Variants in RTKN2 observed in about 807,000 individuals in gnomAD.
RTKN2 encodes rhotekin-2.
RTKN2 carries 69 observed loss-of-function variants against 71.5 expected under a neutral mutation model. That is an observed-to-expected ratio of 0.96 (90% confidence interval 0.79 to 1.18). The LOEUF is 1.18. Ranked by LOEUF, RTKN2 falls within the 50% of genes most tolerant of loss-of-function variation. The probability of loss-of-function intolerance (pLI) is 0.00; values close to 1 mark genes in which losing one functional copy is unlikely to be tolerated. For synonymous variants in RTKN2, 236 were observed against 236.5 expected (o/e 1.00, Z 0.02); for missense variants, 724 against 719.7 (o/e 1.01, Z -0.07).
Position 62,232,490 on chromosome 10 carries a change from A to AG in RTKN2, c.686+3575dup, listed in dbSNP as rs1436841622. ...TGGGTTTTTGTATTTTTAGTAGAGA[A>AG]GGGGTTTCACCATGGTGCCCAGGCT... On this transcript the variant is annotated intron_variant, in intron 6 of 11. Transcript: ENST00000373789. 5.3e-5 allele frequency among the ~76,000 whole-genome samples: 8 copies of AG among 151,700 alleles called. No homozygotes were observed. In the South Asian group the frequency reaches 1.5e-3, roughly 28 times the overall value.
Position 62,197,162 on chromosome 10 carries a change from T to A in RTKN2, c.*746A>T, listed in dbSNP as rs1234555799. On this transcript the variant is annotated 3_prime_UTR_variant, in exon 12 of 12. Transcript: ENST00000373789. ...ACTTCCCTAAATTCCAAAGTCACAA[T>A]GGAAATTAGCACCACACACAGAAAA... is the stretch of plus-strand genomic sequence containing the variant. 1.3e-5 allele frequency: 13 copies of A among 985,464 alleles called. No individual in the cohort carries two copies. Among genetic ancestry groups the A allele is most frequent in the Non-Finnish European group, 1.3e-5 (11 of 829,860 alleles). The allele number at this position is 985,464 out of a possible 1,614,324, so 61.0% of individuals were successfully genotyped here. A position where few individuals can be genotyped will look rare whatever the true frequency, so the allele number is the denominator to read the frequency against.
intron 2 of RTKN2, among the ~76,000 whole-genome samples, chr10:62,259,600 G>A (rs1245140684): frequency 1.3e-5 from 2 of 152,102 alleles, no homozygotes; most frequent in Non-Finnish European, 2.9e-5. Context: ...TGCGCTGGCT[G>A]GAGTGCTGTG....
At chr10:62,203,059 C>T (rs1841476937) in intron 10 of RTKN2, among the ~76,000 whole-genome samples, 1 of 152,128 alleles carries the variant, frequency 6.6e-6, no homozygotes, top group African/African-American at 2.4e-5. Flanking sequence ...ACTAGGGAGA[C>T]TGAGGCAGGA....
At chr10:62,247,179 A>T (rs1374078537) in intron 2 of RTKN2, among the ~76,000 whole-genome samples, 1 of 151,954 alleles carries the variant, frequency 6.6e-6, no homozygotes, top group African/African-American at 2.4e-5. Flanking sequence ...AATTTTTGGA[A>T]GAGGATGACA....
Position 62,236,173 on chromosome 10 carries a change from T to C in RTKN2, c.579A>G (p.Leu193=). The change falls in exon 6 of 12, where the codon CTA becomes CTG. Residue 193 remains leucine, a synonymous_variant. Coordinates refer to ENST00000373789, the MANE Select transcript of RTKN2 (RefSeq NM_145307.4). ...TTATAGATGTCTTGAGTTTCTTAGC[T>C]AGCTTTTTTGGTGTGTTGGTTATAG... The part of the protein sequence containing the change: ...ESSITNTPKK[L]AKKLKTSISK... 1 of 1,611,708 alleles carries C rather than the reference T, an allele frequency of 6.2e-7. No homozygotes were observed. Among genetic ancestry groups the C allele is most frequent in the Non-Finnish European group, 8.5e-7 (1 of 1,178,172 alleles).
chr10:62,204,173 A>G (rs1300632381), intron 10 of RTKN2, among the ~76,000 whole-genome samples: 1 of 152,172 alleles, frequency 6.6e-6, no homozygotes, highest in Non-Finnish European at 1.5e-5. Flanking sequence ...AACATTCTAC[A>G]TTTTCAATAT....
At chr10:62,190,716 T>C (rs1841208768), downstream of RTKN2, among the ~76,000 whole-genome samples, 1 of 152,154 alleles carries the variant, frequency 6.6e-6, no homozygotes, top group African/African-American at 2.4e-5. Context: ...GGCTAGTTAA[T>C]GGTAGCCAGG....
chr10:62,268,350 C>A (rs1842903297), intron 1 of RTKN2, among the ~76,000 whole-genome samples: 2 of 152,262 alleles, frequency 1.3e-5, no homozygotes, highest in South Asian at 4.1e-4. Flanking sequence ...ACCTCAGCTG[C>A]CTGAGAAACT....
chr10:62,209,630 G>C (rs752506349), intron 9 of RTKN2, among the ~76,000 whole-genome samples: 1 of 152,004 alleles, frequency 6.6e-6, no homozygotes, highest in Non-Finnish European at 1.5e-5. Context: ...CACACTCTCC[G>C]ATAGGCCTCA....
chr10:62,264,624 C>A (rs1842836574), intron 1 of RTKN2, among the ~76,000 whole-genome samples: 2 of 152,220 alleles, frequency 1.3e-5, no homozygotes, highest in African/African-American at 4.8e-5. Flanking sequence ...CTTTACCCCA[C>A]AACTCAAATA....
At chr10:62,256,217 C>T (rs941008564) in intron 2 of RTKN2, among the ~76,000 whole-genome samples, 1 of 151,974 alleles carries the variant, frequency 6.6e-6, no homozygotes, top group African/African-American at 2.4e-5. Flanking sequence ...GAAACGAGGT[C>T]TTATTATGTT....
chr10:62,234,892 C>T (rs574422275), intron 6 of RTKN2, among the ~76,000 whole-genome samples: 111 of 152,192 alleles, frequency 7.3e-4, no homozygotes, highest in African/African-American at 2.4e-3. Context: ...TTTAACATTA[C>T]TGAAAGTGGG....
intron 7 of RTKN2, among the ~76,000 whole-genome samples, chr10:62,222,757 T>A (rs1008019463): frequency 6.6e-6 from 1 of 152,226 alleles, no homozygotes. Flanking sequence ...TTCTTCAGTT[T>A]CCTGTATCTT....
In RTKN2 at chr10:62,236,162, A is replaced by G; in HGVS notation, c.590T>C (p.Leu197Pro). 1 of 1,611,682 alleles carries G rather than the reference A, an allele frequency of 6.2e-7. No homozygotes were observed. Among genetic ancestry groups the G allele is most frequent in the Non-Finnish European group, 8.5e-7 (1 of 1,178,242 alleles). Residue 197 changes from leucine to proline, a missense_variant, in exon 6 of 12, where the codon CTC (leucine) becomes CCC (proline). Coordinates refer to ENST00000373789, the MANE Select transcript of RTKN2 (RefSeq NM_145307.4). ...TGTAGCTTTACTTATAGATGTCTTG[A>G]GTTTCTTAGCTAGCTTTTTTGGTGT... ...TNTPKKLAKK[L>P]KTSISKATGK...
chr10:62,190,090 A>G (rs1398052116), downstream of RTKN2, among the ~76,000 whole-genome samples: 1 of 152,098 alleles, frequency 6.6e-6, no homozygotes, highest in African/African-American at 2.4e-5. Context: ...TGTTCCTTCA[A>G]CCCAGGGCCA....
downstream of RTKN2, among the ~76,000 whole-genome samples, chr10:62,192,358 T>C (rs141712184): frequency 2.0e-5 from 3 of 152,330 alleles, no homozygotes; most frequent in Admixed American, 6.5e-5. Context: ...GGGTTAAATG[T>C]CAATAAAACA....
rs1841361180 is a variant in RTKN2 at position 62,197,940 on chromosome 10, C to T, written c.1798G>A (p.Asp600Asn). ...TGTGCCTGCAGCCATGATCTAGGGT[C>T]CAGAATGTCTTTGATGGATTTCTGC... Reference protein sequence around the residue: ...PRQKSIKDILDPRSWLQAQV With the variant: ...PRQKSIKDILNPRSWLQAQV Residue 600 changes from aspartate to asparagine, a missense_variant, in exon 12 of 12, where the codon GAC becomes AAC. Coordinates refer to ENST00000373789, the MANE Select transcript of RTKN2 (RefSeq NM_145307.4). The T allele has an allele frequency of 1.2e-6, 2 of 1,613,792 alleles. No individual in the cohort carries two copies. Among genetic ancestry groups the T allele is most frequent in the Non-Finnish European group, 1.7e-6 (2 of 1,179,856 alleles).
At chr10:62,255,156 G>C (rs1257062986) in intron 2 of RTKN2, among the ~76,000 whole-genome samples, 1 of 152,078 alleles carries the variant, frequency 6.6e-6, no homozygotes, top group Non-Finnish European at 1.5e-5. Context: ...TCTTGAACTT[G>C]CCTAAGTAGG....
intron 9 of RTKN2, among the ~76,000 whole-genome samples, chr10:62,208,748 A>G (rs1244966497): frequency 6.6e-6 from 1 of 152,204 alleles, no homozygotes. Flanking sequence ...ACTTCAGGGT[A>G]ACCAAATAGC....
Sources: allele counts gnomAD v4.1 joint callset (sites outside exome capture counted in the v4.1 genomes callset), GRCh38; gene constraint gnomAD v4.1.1; transcripts MANE v1.5; gene names NCBI Gene and HGNC (gene_info 2026-07-23, HGNC 2026-07-21).